CDK5RAP2: variants seen among roughly 807,000 people sequenced by gnomAD.
CDK5RAP2 encodes CDK5 regulatory subunit associated protein 2.
A neutral mutation model predicts 232.9 loss-of-function variants in CDK5RAP2; 147 were observed. The ratio of observed to expected loss-of-function variants is 0.63; its 90% CI spans 0.55 to 0.72. CDK5RAP2 has a LOEUF of 0.72. CDK5RAP2 is among the 30% of genes least tolerant of loss of function. CDK5RAP2 has a pLI of 0.00. For synonymous variants in CDK5RAP2, 833 were observed against 833.7 expected, an observed-to-expected ratio of 1.00 and a Z score of 0.01; for missense variants, 2,195 against 2,231.5, an observed-to-expected ratio of 0.98 and a Z score of 0.33.
At chr9:120,578,167 T>A (rs982127565) in intron 1 of CDK5RAP2, among the ~76,000 whole-genome samples, 2 of 152,136 alleles carry the variant, frequency 1.3e-5, no homozygotes, top group African/African-American at 4.8e-5. Context: ...CTCCGGAGGC[T>A]CAGGCAGGAG....
chr9:120,444,100 A>G (rs1422355258), intron 22 of CDK5RAP2, among the ~76,000 whole-genome samples: 1 of 152,346 alleles, frequency 6.6e-6, no homozygotes, highest in Admixed American at 6.5e-5. Flanking sequence ...AGCAAAAAAT[A>G]AAAACAGTAT....
chr9:120,409,113 AG>A lies in CDK5RAP2; in HGVS notation c.4604+13del. On this transcript the variant is annotated intron_variant, in intron 30 of 37. Coordinates refer to ENST00000349780, the MANE Select transcript of CDK5RAP2 (RefSeq NM_018249.6). ...GGTACGGCCAGCAGGCCACCAGGGA[AG>A]CACAGCCACTACCTGCTCAGCTCCT... 6.2e-7 allele frequency: 1 copy of A among 1,610,100 alleles called. No homozygotes were observed. Among genetic ancestry groups the A allele is most frequent in the Non-Finnish European group, 8.5e-7 (1 of 1,179,668 alleles).
chr9:120,461,477 G>A (rs1255090820), intron 18 of CDK5RAP2, among the ~76,000 whole-genome samples: 1 of 152,152 alleles, frequency 6.6e-6, no homozygotes, highest in Non-Finnish European at 1.5e-5. Flanking sequence ...GAGAGAAAAG[G>A]TGGCCAGCCA....
intron 21 of CDK5RAP2, among the ~76,000 whole-genome samples, chr9:120,451,795 T>C (rs951550544): frequency 1.3e-5 from 2 of 150,854 alleles, no homozygotes; most frequent in Admixed American, 6.6e-5. Flanking sequence ...TCTTCATAAG[T>C]AAAATGTAGG....
intron 4 of CDK5RAP2, among the ~76,000 whole-genome samples, chr9:120,547,028 C>A (rs1013406166): frequency 3.3e-5 from 5 of 151,882 alleles, no homozygotes; most frequent in Non-Finnish European, 7.4e-5. Context: ...CTCTTGTCAC[C>A]CAGTCTGGAG....
intron 25 of CDK5RAP2, among the ~76,000 whole-genome samples, chr9:120,422,943 C>T (rs1204917555): frequency 6.6e-6 from 1 of 152,202 alleles, no homozygotes; most frequent in Non-Finnish European, 1.5e-5. Flanking sequence ...GACACTAGTG[C>T]TAGGTGACAG....
chr9:120,438,324 C>A (rs139919425), intron 24 of CDK5RAP2, among the ~76,000 whole-genome samples: 127 of 152,296 alleles, frequency 8.3e-4, no homozygotes, highest in African/African-American at 2.6e-3. Context: ...CACTTCAGTT[C>A]AACATAATTT....
chr9:120,470,046 C>A (rs1360179567), intron 17 of CDK5RAP2, 65 bp downstream of exon 17: 1 of 832,282 alleles, frequency 1.2e-6, no homozygotes, highest in East Asian at 2.6e-5. Flanking sequence ...TCATGAGGAA[C>A]CCAAGATACA....
intron 14 of CDK5RAP2, among the ~76,000 whole-genome samples, chr9:120,487,059 T>G (rs2038649046): frequency 6.6e-6 from 1 of 152,160 alleles, no homozygotes; most frequent in Non-Finnish European, 1.5e-5. Flanking sequence ...AAATGAGGCT[T>G]CTGGTTTAAC....
rs770766697 is a variant in CDK5RAP2 at position 120,419,939 on chromosome 9, G to A, written c.4026C>T (p.Thr1342=). The change falls in exon 27 of 38, where the codon ACC becomes ACT. Residue 1342 remains threonine (T), a synonymous_variant. Transcript: ENST00000349780. ...LMERIEEDNL[T]YQHLLPESPE... ...GAGATTCAGGCAGAAGATGTTGGTA[G>A]GTTAAGTTGTCTTCCTCAATCCTTA... 28 of 1,613,796 alleles carry A rather than the reference G, an allele frequency of 1.7e-5. No homozygotes were observed. In the South Asian group the frequency reaches 2.3e-4, roughly 13 times the overall value.
At chr9:120,408,802 C>A (rs1168552959) in intron 30 of CDK5RAP2, among the ~76,000 whole-genome samples, 1 of 152,246 alleles carries the variant, frequency 6.6e-6, no homozygotes, top group South Asian at 2.1e-4. Flanking sequence ...TCAGGGCCTG[C>A]GCCCATTCTG....
chr9:120,405,286 T>C (rs2033356208), intron 32 of CDK5RAP2, among the ~76,000 whole-genome samples: 1 of 152,258 alleles, frequency 6.6e-6, no homozygotes. Flanking sequence ...CCTATAATTC[T>C]GATCTTGACT....
rs2031765763 is a variant in CDK5RAP2 at position 120,389,866 on chromosome 9, A to G, written c.5579-79T>C. 3 of 1,322,840 alleles carry G rather than the reference A, an allele frequency of 2.3e-6. No homozygotes were observed. The African/African-American group carries it at 4.3e-5, about 19-fold the overall frequency. The allele number at this position is 1,322,840 out of a possible 1,614,324, so 81.9% of individuals were successfully genotyped here. A position where few individuals can be genotyped will look rare whatever the true frequency, so the allele number is the denominator to read the frequency against. ...TGTGTGAAAGCCAAGTGCAGGGAGGATGAACCCCACCCCAAAGGGCTCGGA... is the reference window on the plus strand; with the variant it reads ...TGTGTGAAAGCCAAGTGCAGGGAGGGTGAACCCCACCCCAAAGGGCTCGGA... On this transcript the variant is annotated intron_variant, in intron 36 of 37. Transcript: ENST00000349780.
intron 12 of CDK5RAP2, among the ~76,000 whole-genome samples, chr9:120,515,843 G>T (rs1402323160): frequency 6.6e-6 from 1 of 152,224 alleles, no homozygotes; most frequent in African/African-American, 2.4e-5. Flanking sequence ...CAGTTAGAAT[G>T]GCGATCATTA....
Position 120,568,415 on chromosome 9 carries a change from C to T in CDK5RAP2, c.128-27G>A, listed in dbSNP as rs1208775519. 6 of 1,541,444 alleles carry T rather than the reference C, an allele frequency of 3.9e-6. No individual in the cohort carries two copies. The African/African-American group carries it at 5.4e-5, about 14-fold the overall frequency. ...TGTAAAAAGGTAAAATAGAGGAAAA[C>T]GTCACAGCATGCAAACTGCCCAGTG... On this transcript the variant is annotated intron_variant, in intron 2 of 37. Coordinates refer to ENST00000349780, the MANE Select transcript of CDK5RAP2 (RefSeq NM_018249.6).
chr9:120,567,295 G>A (rs549353129), intron 3 of CDK5RAP2, among the ~76,000 whole-genome samples: 1 of 152,310 alleles, frequency 6.6e-6, no homozygotes, highest in South Asian at 2.1e-4. Flanking sequence ...ATTGGTCACT[G>A]GTGGTTTGCA....
In CDK5RAP2 at chr9:120,568,352, G is replaced by C. The variant is rs748108397; in HGVS notation, c.164C>G (p.Thr55Ser). Residue 55 changes from threonine (T) to serine (S), a missense_variant, in exon 3 of 38, where the codon ACC becomes AGC. By Grantham distance (58) the Thr-to-Ser change is moderately conservative. Coordinates refer to ENST00000349780, the MANE Select transcript of CDK5RAP2 (RefSeq NM_018249.6). Reference sequence around the variant, plus strand: ...AAAGTCCTTCATGTTCCGTGCTCTGGTGGGAGACACTGTTTCTTCTGACAC... The same window carrying C: ...AAAGTCCTTCATGTTCCGTGCTCTGCTGGGAGACACTGTTTCTTCTGACAC... ...PNVSEETVSPTRARNMKDFEN... is the reference protein window; with the variant it reads ...PNVSEETVSPSRARNMKDFEN... The C allele has an allele frequency of 4.3e-6, 7 of 1,613,854 alleles. No homozygotes were observed. The highest frequency in any genetic ancestry group is 5.1e-6 in the Non-Finnish European group (6 of 1,179,720).
At position 120,528,669 on chromosome 9, in the gene CDK5RAP2, G is replaced by C. The variant is rs561904916; in HGVS notation, c.879+75C>G. On this transcript the variant is annotated intron_variant, in intron 9 of 37. Coordinates refer to ENST00000349780, the MANE Select transcript of CDK5RAP2 (RefSeq NM_018249.6). The stretch of plus-strand genomic sequence containing the variant: ...CAGCTACTGTGACACAGAATTATCT[G>C]CTGCACTCAGAATAAAACAAGAGGC... 28 of 894,218 alleles carry C rather than the reference G, an allele frequency of 3.1e-5. No individual in the cohort carries two copies. In the East Asian group the frequency reaches 6.8e-4, roughly 22 times the overall value. The allele number at this position is 894,218 out of a possible 1,614,324, so 55.4% of individuals were successfully genotyped here.
At chr9:120,520,649 T>C (rs909327799) in intron 11 of CDK5RAP2, among the ~76,000 whole-genome samples, 3 of 150,980 alleles carry the variant, frequency 2.0e-5, no homozygotes, top group Non-Finnish European at 4.4e-5. Flanking sequence ...TCTCAAAAAA[T>C]ATATATATAT....
Sources: gnomAD v4.1 joint callset for allele counts (sites outside exome capture counted in the v4.1 genomes callset) on GRCh38, gnomAD v4.1.1 for gene constraint, MANE v1.5 for transcripts, NCBI Gene and HGNC (gene_info 2026-07-23, HGNC 2026-07-21) for gene names.